The following ARID5B variants were observed in gnomAD, a reference collection of about 807,000 sequenced individuals.
The protein encoded by ARID5B is AT-rich interaction domain 5B, also known as AT-rich interactive domain-containing protein 5B.
ARID5B carries 13 observed loss-of-function variants against 97.2 expected under a neutral mutation model. The ratio of observed to expected loss-of-function variants is 0.13; its 90% CI spans 0.09 to 0.21. The LOEUF (loss-of-function observed/expected upper bound fraction) is 0.21. Among genes scored for constraint, ARID5B ranks in the 10% least tolerant of loss-of-function variants. ARID5B has a pLI of 1.00. For missense variants in ARID5B, 1,210 were observed against 1,465.3 expected (o/e 0.83, Z 2.84); for synonymous variants, 556 against 570.3 (o/e 0.97, Z 0.36).
intron 3 of ARID5B, among the ~76,000 whole-genome samples, chr10:61,951,856 A>G (rs921111352): frequency 5.3e-5 from 8 of 152,174 alleles, no homozygotes; most frequent in African/African-American, 1.9e-4. Context: ...GTACAGAGGT[A>G]TTATAAATAT....
intron 8 of ARID5B, among the ~76,000 whole-genome samples, chr10:62,083,124 T>G (rs545983629): frequency 6.6e-6 from 1 of 152,032 alleles, no homozygotes; most frequent in Non-Finnish European, 1.5e-5. Flanking sequence ...CAAGTAGGGC[T>G]TGTGTTTGGA....
intron 3 of ARID5B, among the ~76,000 whole-genome samples, chr10:61,962,411 T>G (rs150986981): frequency 6.6e-6 from 1 of 152,250 alleles, no homozygotes; most frequent in Non-Finnish European, 1.5e-5. Flanking sequence ...TCATCATCCA[T>G]ACTCCTCTCC....
rs141322550 is a variant in ARID5B, at chr10:61,935,690, A to G, written c.277-4493A>G. Among the ~76,000 whole-genome samples, 383 of 152,248 alleles carry G rather than the reference A, an allele frequency of 2.5e-3. 2 individuals carry two copies. The highest frequency in any genetic ancestry group is 8.8e-3 in the African/African-American group (366 of 41,540). ...CTATCCATGTGTTAAAATTCGCAGA[A>G]CTGTACACCAAAAAAGGAAATTTTA... On this transcript the variant is annotated intron_variant, in intron 2 of 9. Transcript: ENST00000279873.
intron 2 of ARID5B, among the ~76,000 whole-genome samples, chr10:61,912,897 C>T (rs1843832945): frequency 6.6e-6 from 1 of 152,142 alleles, no homozygotes; most frequent in African/African-American, 2.4e-5. Context: ...TGACAGAATG[C>T]TATTTTCCCT....
At chr10:62,086,506 C>T (rs1840282276) in intron 9 of ARID5B, among the ~76,000 whole-genome samples, 2 of 151,722 alleles carry the variant, frequency 1.3e-5, no homozygotes, top group Non-Finnish European at 2.9e-5. Flanking sequence ...TGGAGACCAT[C>T]CTGGCTAACA....
intron 3 of ARID5B, among the ~76,000 whole-genome samples, chr10:61,994,348 T>G (rs1323860752): frequency 6.6e-6 from 1 of 152,122 alleles, no homozygotes; most frequent in African/African-American, 2.4e-5. Flanking sequence ...AAGCCTCCCC[T>G]CACCCCAAGA....
At chr10:61,992,507 T>C (rs984240994) in intron 3 of ARID5B, among the ~76,000 whole-genome samples, 38 of 152,352 alleles carry the variant, frequency 2.5e-4, no homozygotes, top group African/African-American at 8.9e-4. Context: ...TTTAAGTGGT[T>C]TGCTTTTGAA....
rs566668263 is a variant in ARID5B, at chr10:62,090,923, C to A, written c.1460C>A (p.Pro487His). The change falls in exon 10 of 10, where the codon CCT (proline) becomes CAT (histidine). Residue 487 changes from proline to histidine, a missense_variant. By Grantham distance (77) the Pro-to-His change is moderately conservative (BLOSUM62 -2). This residue lies in a region of ARID5B where 800 missense variants were observed against 839.1 expected (regional missense o/e 0.95). Transcript: ENST00000279873. Reference protein sequence around the residue: ...TLISQKSIPEPLPAADMKKKI... With the variant: ...TLISQKSIPEHLPAADMKKKI... ...ATAAGCCAGAAAAGCATCCCTGAGC[C>A]TCTCCCAGCAGCAGACATGAAGAAA... 10 of 1,612,852 alleles carry A rather than the reference C, an allele frequency of 6.2e-6. No individual in the cohort carries two copies. Among genetic ancestry groups the A allele is most frequent in the Admixed American group, 1.7e-5 (1 of 59,652 alleles).
At chr10:61,927,393 A>G (rs1227761775) in intron 2 of ARID5B, among the ~76,000 whole-genome samples, 2 of 152,202 alleles carry the variant, frequency 1.3e-5, no homozygotes. Context: ...ATAACACAGT[A>G]GAGCTGCACT....
intron 4 of ARID5B, among the ~76,000 whole-genome samples, chr10:62,006,896 A>G (rs1039053128): frequency 1.3e-5 from 2 of 152,182 alleles, no homozygotes; most frequent in Non-Finnish European, 2.9e-5. Flanking sequence ...GGTTATTAAA[A>G]ACAATTTGGG....
chr10:61,921,791 T>A (rs1844020033), intron 2 of ARID5B, among the ~76,000 whole-genome samples: 3 of 152,126 alleles, frequency 2.0e-5, no homozygotes, highest in Non-Finnish European at 4.4e-5. Flanking sequence ...TGAAAGGTAT[T>A]CTTCTTACTC....
At chr10:61,904,284 G>A (rs1054146427) in intron 2 of ARID5B, among the ~76,000 whole-genome samples, 7 of 151,988 alleles carry the variant, frequency 4.6e-5, no homozygotes, top group African/African-American at 1.2e-4. Flanking sequence ...TTTGGGGGGC[G>A]GGGAATTGAA....
intron 3 of ARID5B, among the ~76,000 whole-genome samples, chr10:61,998,603 A>C (rs1241492335): frequency 1.3e-5 from 2 of 152,244 alleles, no homozygotes; most frequent in African/African-American, 4.8e-5. Flanking sequence ...TGAGGTGTAA[A>C]TAAGCATTAA....
At chr10:61,913,019 T>C (rs867296966) in intron 2 of ARID5B, among the ~76,000 whole-genome samples, 2 of 152,242 alleles carry the variant, frequency 1.3e-5, no homozygotes, top group Admixed American at 1.3e-4. Context: ...ACCCATTCCT[T>C]TGTCCTCAGA....
intron 8 of ARID5B, among the ~76,000 whole-genome samples, chr10:62,080,819 T>G (rs1023096555): frequency 6.6e-6 from 1 of 151,686 alleles, no homozygotes; most frequent in Non-Finnish European, 1.5e-5. Flanking sequence ...AGAATAGTAG[T>G]GCCTTTTTTT....
At chr10:62,008,116 T>TG (rs1839170933) in intron 4 of ARID5B, among the ~76,000 whole-genome samples, 1 of 142,988 alleles carries the variant, frequency 7.0e-6, no homozygotes, top group South Asian at 2.2e-4. Context: ...ATAAGCTCTT[T>TG]GTAAATGTAT....
Position 62,094,394 on chromosome 10 carries a change from GA to G in ARID5B, c.*1365del. On this transcript the variant is annotated 3_prime_UTR_variant, in exon 10 of 10. Transcript: ENST00000279873. ...GAATCTCCCAGGCCACATCTTTGGG[GA>G]TAACTGACATACTGGATTAGCCTTT... 4.3e-6 allele frequency: 1 copy of G among 230,444 alleles called. No individual in the cohort carries two copies. Among genetic ancestry groups the G allele is most frequent in the Non-Finnish European group, 8.6e-6 (1 of 116,278 alleles). The allele number at this position is 230,444 out of a possible 1,614,324, so 14.3% of individuals were successfully genotyped here. A position where few individuals can be genotyped will look rare whatever the true frequency, so the allele number is the denominator to read the frequency against.
rs143981216 is a variant in ARID5B, at chr10:61,960,649, C to T, written c.502+20241C>T. On this transcript the variant is annotated intron_variant, in intron 3 of 9. Transcript: ENST00000279873. ...TGAGTTGAAGCCCAAGATGAGAAGC[C>T]CTTTTTTTTCCCCTCTGACCAAGAT... Among the ~76,000 whole-genome samples the T allele has an allele frequency of 4.7e-3, 709 of 151,006 alleles. 1 individual carries two copies. Among genetic ancestry groups the T allele is most frequent in the Non-Finnish European group, 7.8e-3 (523 of 67,098 alleles).
At chr10:61,911,388 A>C (rs977607863) in intron 2 of ARID5B, among the ~76,000 whole-genome samples, 2 of 152,174 alleles carry the variant, frequency 1.3e-5, no homozygotes, top group African/African-American at 4.8e-5. Context: ...ATAGATTTTG[A>C]ATTTTTTATT....
Sources: gnomAD v4.1 joint callset for allele counts (sites outside exome capture counted in the v4.1 genomes callset) on GRCh38, gnomAD v4.1.1 for gene constraint, gnomAD v4.1.1 regional missense constraint, MANE v1.5 for transcripts, NCBI Gene and HGNC (gene_info 2026-07-23, HGNC 2026-07-21) for gene names.